POTEI: variants seen among roughly 807,000 people sequenced by gnomAD.
POTEI encodes the protein POTE ankyrin domain family, member I.
A neutral mutation model predicts 43.4 loss-of-function variants in POTEI; 14 were observed. That is an observed-to-expected ratio of 0.32 (90% CI 0.21 to 0.50). The LOEUF is 0.50. Among genes scored for constraint, POTEI ranks in the 20% least tolerant of loss-of-function variants. The probability of loss-of-function intolerance (pLI) is 0.98; values close to 1 mark genes in which losing one functional copy is unlikely to be tolerated. For missense variants in POTEI, 235 were observed against 795.4 expected, an observed-to-expected ratio of 0.30 and a Z score of 8.47; for synonymous variants, 95 against 297.9, an observed-to-expected ratio of 0.32 and a Z score of 7.01.
chr2:130,491,772 A>G (rs1359159313), intron 6 of POTEI, among the ~76,000 whole-genome samples: 2 of 105,442 alleles, frequency 1.9e-5, no homozygotes, highest in Non-Finnish European at 4.2e-5. Flanking sequence ...CTCCTGTCTC[A>G]GTCTCCGGAG....
intron 9 of POTEI, 115 bp downstream of exon 9, chr2:130,487,917 C>T (rs1291057555): frequency 1.6e-6 from 1 of 613,612 alleles, no homozygotes; most frequent in Non-Finnish European, 2.6e-6. Context: ...GATTAACGGG[C>T]AAGGCTGAAT....
chr2:130,482,602 T>G (rs1683430376), intron 9 of POTEI, among the ~76,000 whole-genome samples: 2 of 150,600 alleles, frequency 1.3e-5, no homozygotes, highest in Non-Finnish European at 2.9e-5. Context: ...TGTTCATAGG[T>G]TCTAATATGC....
At chr2:130,477,094 C>T (rs1463951281) in intron 10 of POTEI, among the ~76,000 whole-genome samples, 1 of 151,078 alleles carries the variant, frequency 6.6e-6, no homozygotes, top group Non-Finnish European at 1.5e-5. Flanking sequence ...TGTACAACGT[C>T]TTCCTAATAT....
intron 6 of POTEI, among the ~76,000 whole-genome samples, chr2:130,494,928 G>T (rs2579454): frequency 9.7e-6 from 1 of 102,754 alleles, no homozygotes; most frequent in African/African-American, 2.9e-5. Context: ...CCCAACCTCT[G>T]GTATCTCACA....
chr2:130,493,091 G>GA (rs1263044824), intron 6 of POTEI, among the ~76,000 whole-genome samples: 7 of 104,868 alleles, frequency 6.7e-5, no homozygotes, highest in African/African-American at 2.2e-4. Context: ...TGCAAGCGGG[G>GA]AAAAAATCAA....
Position 130,480,452 on chromosome 2 carries a change from C to T in POTEI, c.1480+1551G>A, listed in dbSNP as rs569098688. Reference sequence around the variant, plus strand: ...CATGTTCACTCAAGCATCTTGTCTTCTGCACTTGCTGCTCTTCCTCCCAAA... The same window carrying T: ...CATGTTCACTCAAGCATCTTGTCTTTTGCACTTGCTGCTCTTCCTCCCAAA... On this transcript the variant is annotated intron_variant, in intron 10 of 14. Transcript: ENST00000451531. 2.6e-5 allele frequency among the ~76,000 whole-genome samples: 4 copies of T among 151,118 alleles called. No individual in the cohort carries two copies. The East Asian group carries it at 5.9e-4, about 22-fold the overall frequency.
chr2:130,483,616 A>G, intron 9 of POTEI, among the ~76,000 whole-genome samples: 1 of 33,312 alleles, frequency 3.0e-5, no homozygotes, highest in Non-Finnish European at 7.7e-5. Flanking sequence ...TTTTTTTGAG[A>G]CGGAGTCTTG....
chr2:130,467,682 T>C (rs1682880251), intron 13 of POTEI, among the ~76,000 whole-genome samples: 1 of 152,112 alleles, frequency 6.6e-6, no homozygotes, highest in Non-Finnish European at 1.5e-5. Flanking sequence ...AACAACAACT[T>C]ATACAATGGG....
At chr2:130,502,069 ATTG>A (rs1268371266) in intron 3 of POTEI, among the ~76,000 whole-genome samples, 3 of 47,320 alleles carry the variant, frequency 6.3e-5, no homozygotes, top group African/African-American at 1.3e-4. Context: ...TTTTGAGAAA[ATTG>A]TTGTTGTTGT....
At chr2:130,477,174 T>A (rs1362676424) in intron 10 of POTEI, among the ~76,000 whole-genome samples, 1 of 150,096 alleles carries the variant, frequency 6.7e-6, no homozygotes, top group Non-Finnish European at 1.5e-5. Flanking sequence ...TTTTTTTTTA[T>A]GAACCAGGGT....
intron 9 of POTEI, among the ~76,000 whole-genome samples, chr2:130,483,846 G>A (rs1377129584): frequency 6.6e-6 from 1 of 150,646 alleles, no homozygotes; most frequent in Non-Finnish European, 1.5e-5. Flanking sequence ...CTCCCAAAGT[G>A]CTGTGATTAC....
Position 130,461,296 on chromosome 2 carries a change from C to T in POTEI, c.*1520G>A, listed in dbSNP as rs1682624200. On this transcript the variant is annotated 3_prime_UTR_variant, in exon 15 of 15. Transcript: ENST00000451531. ...CTAAGGCTGAAATGCCTGGGTCGCC[C>T]CAACAGCAAAGATGACAATCTGGTC... The T allele has an allele frequency of 6.6e-6, 1 of 152,096 alleles. No individual in the cohort carries two copies. The highest frequency in any genetic ancestry group is 1.5e-5 in the Non-Finnish European group (1 of 68,116). 9.4% of individuals were successfully genotyped at this position (152,096 alleles called of 1,614,324 possible).
intron 1 of POTEI, among the ~76,000 whole-genome samples, chr2:130,507,305 TATATATATATATACACAC>T (rs1421290708): frequency 4.7e-3 from 78 of 16,562 alleles, no homozygotes; most frequent in Non-Finnish European, 0.01. Flanking sequence ...TATATATATA[TATATATATATATACACAC>T]ACACACACAC....
chr2:130,475,373 C>A (rs1816694), intron 11 of POTEI, among the ~76,000 whole-genome samples: 12 of 82,164 alleles, frequency 1.5e-4, no homozygotes, highest in South Asian at 1.3e-3. Context: ...ACTAGTGAGC[C>A]CCTACAGTGC....
At chr2:130,469,177 G>GT (rs1682970561) in intron 13 of POTEI, among the ~76,000 whole-genome samples, 1 of 131,118 alleles carries the variant, frequency 7.6e-6, no homozygotes, top group Admixed American at 7.9e-5. Context: ...TATTAACCAA[G>GT]TCATCATAAC....
At chr2:130,496,416 T>A (rs1683905913) in intron 6 of POTEI, 136 bp downstream of exon 6, 6 of 503,846 alleles carry the variant, frequency 1.2e-5, no homozygotes, top group Non-Finnish European at 2.1e-5. Flanking sequence ...ACAATAAATG[T>A]AACATGATTG....
In POTEI at chr2:130,483,751, C is replaced by A. The variant is rs566874733; in HGVS notation, c.1410-1678G>T. Among the ~76,000 whole-genome samples, 62 of 149,348 alleles carry A rather than the reference C, an allele frequency of 4.2e-4. No individual in the cohort carries two copies. The East Asian group carries it at 0.012, about 29-fold the overall frequency. On this transcript the variant is annotated intron_variant, in intron 9 of 14. Transcript: ENST00000451531. ...CTGGGACTACAGGCGCATGCCACCA[C>A]ACCCGGTTAATTTTTTTGTATTTTT...
At position 130,505,140 on chromosome 2, in the gene POTEI, T is replaced by A. The variant is rs562631792; in HGVS notation, c.522-1246A>T. On this transcript the variant is annotated intron_variant, in intron 1 of 14. Transcript: ENST00000451531. The stretch of plus-strand genomic sequence containing the variant: ...TATCTGTGTGTTCTCATCATTTAGC[T>A]CCCACCTGTAATTGAGAACGTGCTG... 1.4e-3 allele frequency among the ~76,000 whole-genome samples: 211 copies of A among 149,664 alleles called. 2 individuals carry two copies. Among genetic ancestry groups the A allele is most frequent in the African/African-American group, 4.5e-3 (183 of 40,660 alleles).
intron 13 of POTEI, among the ~76,000 whole-genome samples, chr2:130,473,683 CAT>C (rs1165015573): frequency 0.022 from 522 of 23,540 alleles, 21 homozygotes; most frequent in Middle Eastern, 0.062. Flanking sequence ...ATACATATAA[CAT>C]ATCTATACAA....
Sources: allele counts gnomAD v4.1 joint callset (sites outside exome capture counted in the v4.1 genomes callset), GRCh38; gene constraint gnomAD v4.1.1; transcripts MANE v1.5; gene names NCBI Gene and HGNC (gene_info 2026-07-23, HGNC 2026-07-21).